The following NRG4 variants were observed in gnomAD, a reference collection of about 807,000 sequenced individuals.
NRG4 encodes neuregulin 4.
NRG4 carries 10 observed loss-of-function variants against 15.0 expected under a neutral mutation model. The observed-to-expected ratio is 0.67, with a 90% CI of 0.41 to 1.13. The LOEUF is 1.13. NRG4 is among the 50% of genes most tolerant of loss of function. The pLI, the probability that NRG4 is intolerant of heterozygous loss-of-function variation, is 0.00. For synonymous variants in NRG4, 41 were observed against 50.1 expected (o/e 0.82, Z 0.77); for missense variants, 139 against 140.2 (o/e 0.99, Z 0.04).
intron 3 of NRG4, among the ~76,000 whole-genome samples, chr15:75,997,893 A>G (rs1200642460): frequency 6.6e-6 from 1 of 152,212 alleles, no homozygotes; most frequent in East Asian, 1.9e-4. Flanking sequence ...ACCCAGTCAC[A>G]TAGACCCAGT....
chr15:76,001,709 A>T (rs2034422954), intron 3 of NRG4, among the ~76,000 whole-genome samples: 1 of 152,228 alleles, frequency 6.6e-6, no homozygotes, highest in Admixed American at 6.5e-5. Context: ...GGAAGTTTAG[A>T]TAAGGGCTTA....
At chr15:76,057,013 G>T (rs1404968820) in exon 2 of NRG4, 2 of 152,170 alleles carry the variant, frequency 1.3e-5, no homozygotes, top group Non-Finnish European at 2.9e-5. Context: ...GAAACGAACA[G>T]TTATGTCTGG....
intron 3 of NRG4, among the ~76,000 whole-genome samples, chr15:76,001,186 T>C (rs989980480): frequency 3.9e-5 from 6 of 151,994 alleles, no homozygotes; most frequent in African/African-American, 1.4e-4. Flanking sequence ...AAAGATGAGG[T>C]CTTACTATGT....
intron 5 of NRG4, among the ~76,000 whole-genome samples, chr15:76,023,674 C>A (rs1471446406): frequency 1.3e-5 from 2 of 152,176 alleles, no homozygotes; most frequent in African/African-American, 4.8e-5. Context: ...GGACCAGTAG[C>A]CATTGCTCCC....
At chr15:75,955,729 A>G (rs1029253105) in intron 5 of NRG4, among the ~76,000 whole-genome samples, 3 of 151,634 alleles carry the variant, frequency 2.0e-5, no homozygotes, top group African/African-American at 7.3e-5. Context: ...TTTCTTTGGG[A>G]AAAAATGTGA....
At chr15:75,964,208 C>T (rs2032678228) in intron 3 of NRG4, among the ~76,000 whole-genome samples, 2 of 152,104 alleles carry the variant, frequency 1.3e-5, no homozygotes. Context: ...CCATCACAAT[C>T]TATCCATGTG....
chr15:75,956,074 C>A (rs2032223136), intron 4 of NRG4, 63 bp from the exon 5 acceptor site: 3 of 903,110 alleles, frequency 3.3e-6, no homozygotes, highest in African/African-American at 2.1e-5. Flanking sequence ...TGTCAGAAGA[C>A]CTAGAAAGAA....
chr15:75,955,853 C>A (rs1241380766), intron 5 of NRG4, 79 bp downstream of exon 5: 17 of 754,202 alleles, frequency 2.3e-5, no homozygotes, highest in East Asian at 3.2e-5. Flanking sequence ...CTGGATAGAT[C>A]TAAATACAAA....
At chr15:76,041,567 A>T (rs2035739335) in intron 4 of NRG4, among the ~76,000 whole-genome samples, 1 of 152,150 alleles carries the variant, frequency 6.6e-6, no homozygotes, top group Non-Finnish European at 1.5e-5. Flanking sequence ...CATGACAAAA[A>T]CTTTTAAGAA....
At chr15:75,995,154 C>T (rs879873186) in intron 3 of NRG4, among the ~76,000 whole-genome samples, 2 of 151,858 alleles carry the variant, frequency 1.3e-5, no homozygotes, top group Middle Eastern at 3.4e-3. Context: ...CACCACTGCA[C>T]TCCAGTATGG....
chr15:75,967,761 C>T (rs900275611), intron 3 of NRG4, among the ~76,000 whole-genome samples: 2 of 151,920 alleles, frequency 1.3e-5, no homozygotes, highest in African/African-American at 4.8e-5. Context: ...CGTGCCTGGC[C>T]GCAAAATCTG....
At chr15:75,988,912 C>T (rs937983063) in intron 3 of NRG4, among the ~76,000 whole-genome samples, 1 of 140,324 alleles carries the variant, frequency 7.1e-6, no homozygotes, top group African/African-American at 2.7e-5. Context: ...GCCGGAGTGG[C>T]AGTGGTGTCA....
chr15:76,009,784 A>G (rs892946786), intron 2 of NRG4, among the ~76,000 whole-genome samples: 13 of 152,190 alleles, frequency 8.5e-5, no homozygotes, highest in African/African-American at 2.9e-4. Context: ...AAATGTTCCT[A>G]TATGACAATC....
At chr15:75,983,357 T>C (rs1237159771) in intron 3 of NRG4, among the ~76,000 whole-genome samples, 28 of 152,182 alleles carry the variant, frequency 1.8e-4, no homozygotes, top group Non-Finnish European at 4.0e-4. Context: ...TTCCTTAGCA[T>C]GATAAAATAT....
At chr15:75,993,392 TAAAAAAAAA>T (rs60453624) in intron 3 of NRG4, among the ~76,000 whole-genome samples, 2 of 72,178 alleles carry the variant, frequency 2.8e-5, no homozygotes, top group Non-Finnish European at 2.8e-5. Context: ...GAGGATTCTG[TAAAAAAAAA>T]AAAAAAAAAA....
chr15:75,984,724 C>T lies in NRG4; in HGVS notation c.105-22750G>A, dbSNP rs941744694. On this transcript the variant is annotated intron_variant, in intron 3 of 5. Coordinates refer to ENST00000394907, the MANE Select transcript of NRG4 (RefSeq NM_138573.4). ...ATGGGTGCAGCAAACCACCATGGCA[C>T]GTGTATACCTATGTAACAAACCTGC... 7.2e-5 allele frequency among the ~76,000 whole-genome samples: 11 copies of T among 151,996 alleles called. No individual in the cohort carries two copies. In the South Asian group the frequency reaches 2.3e-3, roughly 32 times the overall value.
At chr15:75,944,768 TG>T (rs755812813) in intron 5 of NRG4, among the ~76,000 whole-genome samples, 1 of 115,048 alleles carries the variant, frequency 8.7e-6, no homozygotes, top group Non-Finnish European at 2.0e-5. Context: ...TGTGTGTGTG[TG>T]GGGGGGTGGT....
intron 3 of NRG4, among the ~76,000 whole-genome samples, chr15:76,008,412 T>C (rs2034686957): frequency 2.0e-5 from 3 of 152,208 alleles, no homozygotes. Context: ...TGTAGCTAGA[T>C]CTTAAATCTA....
At chr15:75,944,054 T>C (rs2031280306) in intron 5 of NRG4, among the ~76,000 whole-genome samples, 1 of 151,628 alleles carries the variant, frequency 6.6e-6, no homozygotes, top group Non-Finnish European at 1.5e-5. Flanking sequence ...ATGACAATAA[T>C]AGATGGCAAG....
Sources: allele counts gnomAD v4.1 joint callset (sites outside exome capture counted in the v4.1 genomes callset), GRCh38; gene constraint gnomAD v4.1.1; transcripts MANE v1.5; gene names NCBI Gene and HGNC (gene_info 2026-07-23, HGNC 2026-07-21).